LRMDA: variants seen among roughly 807,000 people sequenced by gnomAD.
The protein encoded by LRMDA is leucine-rich melanocyte differentiation-associated protein.
LRMDA carries 18 observed loss-of-function variants against 29.8 expected under a neutral mutation model. The ratio of observed to expected loss-of-function variants is 0.60; its 90% CI spans 0.42 to 0.90. The LOEUF (loss-of-function observed/expected upper bound fraction) is 0.90, where lower values mean the gene tolerates loss of function less well. LRMDA is among the 40% of genes least tolerant of loss of function. The pLI, the probability that LRMDA is intolerant of heterozygous loss-of-function variation, is 0.00. For missense variants in LRMDA, 273 were observed against 273.9 expected, an observed-to-expected ratio of 1.00 and a Z score of 0.02; for synonymous variants, 125 against 109.4, an observed-to-expected ratio of 1.14 and a Z score of -0.89.
chr10:75,573,098 A>G (rs1419602150), intron 2 of LRMDA, among the ~76,000 whole-genome samples: 3 of 152,204 alleles, frequency 2.0e-5, no homozygotes, highest in Non-Finnish European at 1.5e-5. Flanking sequence ...GGCAGCCCCA[A>G]CAGACTAATA....
At chr10:76,348,654 G>T (rs1841138244) in intron 6 of LRMDA, among the ~76,000 whole-genome samples, 1 of 152,182 alleles carries the variant, frequency 6.6e-6, no homozygotes, top group African/African-American at 2.4e-5. Context: ...CAAATGTCTT[G>T]CCATGTCAGG....
intron 6 of LRMDA, among the ~76,000 whole-genome samples, chr10:76,368,967 C>G (rs1284746353): frequency 6.6e-6 from 1 of 152,132 alleles, no homozygotes; most frequent in South Asian, 2.1e-4. Context: ...TTTTTCCACT[C>G]CTTCACTTTA....
At chr10:75,505,736 A>G (rs560048664) in intron 2 of LRMDA, among the ~76,000 whole-genome samples, 1 of 151,982 alleles carries the variant, frequency 6.6e-6, no homozygotes, top group African/African-American at 2.4e-5. Context: ...GCTGTCCCTG[A>G]TCCCTCCACC....
At chr10:75,482,960 T>C (rs551408104) in intron 2 of LRMDA, among the ~76,000 whole-genome samples, 16 of 152,246 alleles carry the variant, frequency 1.1e-4, no homozygotes, top group Middle Eastern at 3.4e-3. Flanking sequence ...TCTTTTTTTT[T>C]TTGAGACAGA....
intron 2 of LRMDA, among the ~76,000 whole-genome samples, chr10:75,605,820 G>A (rs1318344323): frequency 6.6e-6 from 1 of 152,148 alleles, no homozygotes; most frequent in Non-Finnish European, 1.5e-5. Flanking sequence ...GCTGGGAACT[G>A]AGTACTCTCT....
intron 5 of LRMDA, among the ~76,000 whole-genome samples, chr10:76,317,012 G>A (rs975997532): frequency 2.0e-5 from 3 of 152,206 alleles, no homozygotes; most frequent in African/African-American, 7.2e-5. Context: ...TCTTGCAAAA[G>A]AGACAGGTGC....
chr10:76,438,349 G>C (rs1907352), intron 6 of LRMDA, among the ~76,000 whole-genome samples: 61,235 of 151,934 alleles, frequency 0.4, 12,804 homozygotes, highest in African/African-American at 0.45. Flanking sequence ...CTGGGCTTTG[G>C]TTATTCTTTA....
At chr10:76,447,818 T>G (rs1842368087) in intron 6 of LRMDA, among the ~76,000 whole-genome samples, 1 of 152,190 alleles carries the variant, frequency 6.6e-6, no homozygotes, top group African/African-American at 2.4e-5. Context: ...TGCCTTTGTC[T>G]GTTTCTAACC....
At chr10:75,740,472 G>A (rs1225241262) in intron 2 of LRMDA, among the ~76,000 whole-genome samples, 2 of 152,166 alleles carry the variant, frequency 1.3e-5, no homozygotes, top group Non-Finnish European at 2.9e-5. Flanking sequence ...GAGACGCCAG[G>A]AAAGTGGATG....
intron 2 of LRMDA, among the ~76,000 whole-genome samples, chr10:75,685,953 GAT>G: frequency 6.6e-6 from 1 of 152,170 alleles, no homozygotes; most frequent in East Asian, 1.9e-4. Context: ...CATTATACCA[GAT>G]ATATGAGGTG....
At chr10:76,257,018 G>C (rs1405361485) in intron 5 of LRMDA, among the ~76,000 whole-genome samples, 1 of 152,078 alleles carries the variant, frequency 6.6e-6, no homozygotes, top group Non-Finnish European at 1.5e-5. Context: ...AGACTACTTG[G>C]AGCATTTACT....
chr10:76,373,217 T>A (rs1316234585), intron 6 of LRMDA, among the ~76,000 whole-genome samples: 1 of 152,150 alleles, frequency 6.6e-6, no homozygotes, highest in Non-Finnish European at 1.5e-5. Context: ...CATACATTCT[T>A]CCAAAGTTTT....
chr10:75,938,524 G>A (rs1450523629), intron 2 of LRMDA, among the ~76,000 whole-genome samples: 2 of 152,154 alleles, frequency 1.3e-5, no homozygotes, highest in African/African-American at 2.4e-5. Context: ...GAGCTATAGC[G>A]CCTGGTCCGG....
At chr10:75,678,692 T>G (rs1841989765) in intron 2 of LRMDA, among the ~76,000 whole-genome samples, 1 of 152,244 alleles carries the variant, frequency 6.6e-6, no homozygotes, top group Non-Finnish European at 1.5e-5. Context: ...GCTGCATAAG[T>G]CTTTGTAAAG....
At chr10:76,251,546 C>T (rs1390709201) in intron 5 of LRMDA, among the ~76,000 whole-genome samples, 3 of 151,544 alleles carry the variant, frequency 2.0e-5, no homozygotes, top group Non-Finnish European at 2.9e-5. Flanking sequence ...GCCACCGCGC[C>T]CGGCCCTCCC....
At chr10:75,983,111 G>GC (rs1847202501) in intron 2 of LRMDA, among the ~76,000 whole-genome samples, 1 of 152,150 alleles carries the variant, frequency 6.6e-6, no homozygotes, top group Non-Finnish European at 1.5e-5. Flanking sequence ...TCCACTTGAA[G>GC]GCAGGGGGGA....
chr10:75,501,579 G>T (rs780676898), intron 2 of LRMDA, among the ~76,000 whole-genome samples: 1 of 152,136 alleles, frequency 6.6e-6, no homozygotes, highest in Non-Finnish European at 1.5e-5. Context: ...GCTTTCTATG[G>T]TGAAATTTTT....
chr10:76,478,699 A>G (rs1589208256), intron 6 of LRMDA, among the ~76,000 whole-genome samples: 1 of 152,114 alleles, frequency 6.6e-6, no homozygotes, highest in African/African-American at 2.4e-5. Flanking sequence ...CATATACACC[A>G]TGGAATACTA....
intron 2 of LRMDA, among the ~76,000 whole-genome samples, chr10:75,582,308 G>C (rs1469299933): frequency 6.6e-6 from 1 of 152,194 alleles, no homozygotes; most frequent in African/African-American, 2.4e-5. Context: ...GGACATCCAG[G>C]CTTTTGCATA....
Sources: allele counts gnomAD v4.1 joint callset (sites outside exome capture counted in the v4.1 genomes callset), GRCh38; gene constraint gnomAD v4.1.1; transcripts MANE v1.5; gene names NCBI Gene and HGNC (gene_info 2026-07-23, HGNC 2026-07-21).